CLASRP: variants seen among roughly 807,000 people sequenced by gnomAD.
The protein encoded by CLASRP is CLK4 associating serine/arginine rich protein.
A neutral mutation model predicts 99.9 loss-of-function variants in CLASRP; 52 were observed. The ratio of observed to expected loss-of-function variants is 0.52; its 90% confidence interval spans 0.42 to 0.66. The LOEUF (loss-of-function observed/expected upper bound fraction) is 0.66, where lower values mean the gene tolerates loss of function less well. Ranked by LOEUF, CLASRP falls within the 30% of genes least tolerant of loss-of-function variation. CLASRP has a pLI of 0.00. For synonymous variants in CLASRP, 379 were observed against 373.0 expected, an observed-to-expected ratio of 1.02 and a Z score of -0.18; for missense variants, 848 against 999.2, an observed-to-expected ratio of 0.85 and a Z score of 2.04.
In CLASRP at chr19:45,056,551, G is replaced by A; in HGVS notation, c.464+17G>A. 6.2e-7 allele frequency: 1 copy of A among 1,609,854 alleles called. No homozygotes were observed. The highest frequency in any genetic ancestry group is 8.5e-7 in the Non-Finnish European group (1 of 1,177,254). On this transcript the variant is annotated intron_variant, in intron 6 of 20. Coordinates refer to ENST00000221455, the MANE Select transcript of CLASRP (RefSeq NM_007056.3). ...GAAGAAGAAGTGAGTCGGGGTCTGG[G>A]GTGCAGGGGGTTGAGGAGGCAGGAG...
intron 7 of CLASRP, chr19:45,058,394 T>C (rs1325961720): frequency 6.4e-6 from 1 of 156,044 alleles, no homozygotes; most frequent in African/African-American, 2.4e-5. Context: ...TTTATTTATT[T>C]ATTTATTTTT....
chr19:45,042,511 T>TTATATATATA (rs527367247), intron 2 of CLASRP, among the ~76,000 whole-genome samples: 6 of 148,516 alleles, frequency 4.0e-5, no homozygotes, highest in African/African-American at 1.2e-4. Context: ...AAAAAAAAAT[T>TTATATATATA]TATATATATA....
rs1971784601 is a variant in CLASRP, at chr19:45,040,119, G to A, written c.-29-65G>A. The A allele has an allele frequency of 4.8e-6, 4 of 827,398 alleles. No individual in the cohort carries two copies. In the Admixed American group the frequency reaches 7.1e-5, roughly 15 times the overall value. 51.3% of individuals were successfully genotyped at this position (827,398 alleles called of 1,614,324 possible). On this transcript the variant is annotated intron_variant, in intron 1 of 20. Coordinates refer to ENST00000221455, the MANE Select transcript of CLASRP (RefSeq NM_007056.3). ...CGACTCTGCCACCAACTTGTTAGAT[G>A]ACTTTGATTCTGCCCATACGGGTTT... is the stretch of plus-strand genomic sequence containing the variant.
At chr19:45,065,066 C>T (rs1304549570) in intron 13 of CLASRP, among the ~76,000 whole-genome samples, 1 of 151,936 alleles carries the variant, frequency 6.6e-6, no homozygotes, top group African/African-American at 2.4e-5. Flanking sequence ...TGGCCAGGAG[C>T]GGATGGGGAA....
intron 7 of CLASRP, chr19:45,058,322 C>A: frequency 5.7e-6 from 1 of 174,770 alleles, no homozygotes; most frequent in East Asian, 1.5e-4. Flanking sequence ...ACTGATCAAA[C>A]CACCCCCAAG....
intron 6 of CLASRP, 129 bp downstream of exon 6, chr19:45,056,663 A>G (rs1328191384): frequency 1.3e-5 from 10 of 747,094 alleles, no homozygotes; most frequent in Non-Finnish European, 2.1e-5. Context: ...GCACACAGTC[A>G]GTGCTCAATT....
rs991577990 is a variant in CLASRP at position 45,060,185 on chromosome 19, T to G, written c.711-204T>G. On this transcript the variant is annotated intron_variant, in intron 8 of 20. Coordinates refer to ENST00000221455, the MANE Select transcript of CLASRP (RefSeq NM_007056.3). The surrounding 1 kb of genome is among the most constrained non-coding windows in gnomAD (Gnocchi z 4.6). ...AAGCCCGTGCAGGTGAGGATTTCTG[T>G]TTTTTTTTTTCAGTGCTCAGTTCTT... 6.1e-5 allele frequency among the ~76,000 whole-genome samples: 9 copies of G among 147,716 alleles called. No individual in the cohort carries two copies. Among genetic ancestry groups the G allele is most frequent in the Admixed American group, 1.4e-4 (2 of 14,782 alleles).
At chr19:45,050,272 AGACT>A in intron 2 of CLASRP, among the ~76,000 whole-genome samples, 10 of 152,202 alleles carry the variant, frequency 6.6e-5, no homozygotes, top group Admixed American at 1.3e-4. Flanking sequence ...AGCCTGGACC[AGACT>A]GCATCCACAC....
rs750408234 is a variant in CLASRP at position 45,067,608 on chromosome 19, G to A, written c.1667+14G>A. ...GAAGCTGAAAAAGTGAGCGGGGCGG[G>A]TCTGGAGGAAGAGGGCTGCCAATCT... On this transcript the variant is annotated intron_variant, in intron 14 of 20. Coordinates refer to ENST00000221455, the MANE Select transcript of CLASRP (RefSeq NM_007056.3). This position sits in a 1 kb window ranked among gnomAD's most constrained non-coding sequence, Gnocchi z 4.9. The A allele has an allele frequency of 2.0e-5, 32 of 1,578,836 alleles. No homozygotes were observed. The South Asian group carries it at 2.8e-4, about 14-fold the overall frequency.
chr19:45,070,103 C>T lies in CLASRP; in HGVS notation c.1956C>T (p.Tyr652=). The T allele has an allele frequency of 6.4e-7, 1 of 1,556,898 alleles. No homozygotes were observed. The highest frequency in any genetic ancestry group is 8.9e-7 in the Non-Finnish European group (1 of 1,127,820). ...SRQSRSPSPR[Y]SREYSSSRRR... is the part of the protein sequence containing the mutation. ...AGAGCCGCTCACCCTCCCCCCGATA[C>T]AGTGAGTGTCCCCACCAGGCTGCAG... The change falls in exon 19 of 21, where the codon TAC becomes TAT. Residue 652 remains tyrosine, a splice_region_variant and synonymous_variant. Coordinates refer to ENST00000221455, the MANE Select transcript of CLASRP (RefSeq NM_007056.3).
intron 13 of CLASRP, among the ~76,000 whole-genome samples, chr19:45,066,363 C>A (rs1967087032): frequency 6.6e-6 from 1 of 152,076 alleles, no homozygotes. Flanking sequence ...CATGATCCAC[C>A]CACCTTTGCC....
rs1183979669 is a variant in CLASRP, at chr19:45,064,076, GAGA to G, written c.974_976del (p.Lys325del). On this transcript the variant is annotated inframe_deletion, in exon 12 of 21. Coordinates refer to ENST00000221455, the MANE Select transcript of CLASRP (RefSeq NM_007056.3). ...CCGCTCCCCGACCCCGGGCCGCGAG[GAGA>G]AGATCACGTTCATCACCAGTTTTGG... 5 of 1,603,010 alleles carry G rather than the reference GAGA, an allele frequency of 3.1e-6. No individual in the cohort carries two copies. The highest frequency in any genetic ancestry group is 1.7e-4 in the Middle Eastern group (1 of 5,992).
In CLASRP at chr19:45,052,873, C is replaced by G; in HGVS notation, c.280C>G (p.Pro94Ala). 1.9e-6 allele frequency: 3 copies of G among 1,610,678 alleles called. No homozygotes were observed. Among genetic ancestry groups the G allele is most frequent in the Non-Finnish European group, 2.5e-6 (3 of 1,178,702 alleles). Residue 94 changes from proline (P) to alanine (A), a missense_variant, in exon 4 of 21, where the codon CCC (proline) becomes GCC (alanine). Around this residue, in one of 8 missense-constraint regions of CLASRP, gnomAD observed 54 missense variants for 38.7 expected, o/e 1.39. Coordinates refer to ENST00000221455, the MANE Select transcript of CLASRP (RefSeq NM_007056.3). ...AHLDHIPDYTPPLLTTISPEQ... is the reference protein window; with the variant it reads ...AHLDHIPDYTAPLLTTISPEQ... ...CCTGGACCACATCCCCGACTACACC[C>G]CCCCTCTGCTCACCACCATGTAAGC...
At chr19:45,041,441 A>G (rs992097775) in intron 2 of CLASRP, among the ~76,000 whole-genome samples, 1 of 151,058 alleles carries the variant, frequency 6.6e-6, no homozygotes, top group Non-Finnish European at 1.5e-5. Context: ...TTTGGCCTAT[A>G]TTACCCCCCC....
At chr19:45,070,194 C>T (rs1213639332) in intron 19 of CLASRP, 90 bp downstream of exon 19, 33 of 836,836 alleles carry the variant, frequency 3.9e-5, no homozygotes, top group East Asian at 2.0e-4. Flanking sequence ...CAGCCGGGCG[C>T]GGTGGCTCAC....
chr19:45,066,099 T>G (rs1048970371), intron 13 of CLASRP, among the ~76,000 whole-genome samples: 1 of 152,036 alleles, frequency 6.6e-6, no homozygotes, highest in African/African-American at 2.4e-5. Flanking sequence ...AGGGTCTGGA[T>G]TTTTAGAGGA....
chr19:45,040,535 G>A (rs1971792689), intron 2 of CLASRP: 1 of 403,824 alleles, frequency 2.5e-6, no homozygotes, highest in Non-Finnish European at 4.7e-6. Context: ...GTGCCGATCC[G>A]GTGTTAGCAA....
At chr19:45,068,556 C>A in intron 16 of CLASRP, 76 bp downstream of exon 16, 2 of 1,148,698 alleles carry the variant, frequency 1.7e-6, no homozygotes, top group Admixed American at 1.7e-5. Context: ...GACTCAGCAC[C>A]ACTTTGGGAG....
At chr19:45,056,986 A>T (rs559700696) in intron 6 of CLASRP, among the ~76,000 whole-genome samples, 2 of 152,132 alleles carry the variant, frequency 1.3e-5, no homozygotes, top group African/African-American at 4.8e-5. Flanking sequence ...CACTCTGGAG[A>T]GAGGCTTCTT....
Sources: allele counts gnomAD v4.1 joint callset (sites outside exome capture counted in the v4.1 genomes callset), GRCh38; gene constraint gnomAD v4.1.1; regional missense constraint gnomAD v4.1.1; non-coding constraint Gnocchi (gnomAD v3.1); transcripts MANE v1.5; gene names NCBI Gene and HGNC (gene_info 2026-07-23, HGNC 2026-07-21).